The following AKT3 variants were observed in gnomAD, a reference collection of about 807,000 sequenced individuals.
AKT3 encodes AKT serine/threonine kinase 3.
AKT3 carries 15 observed loss-of-function variants against 65.3 expected under a neutral mutation model. The ratio of observed to expected loss-of-function variants is 0.23; its 90% confidence interval spans 0.15 to 0.35. The LOEUF (loss-of-function observed/expected upper bound fraction) is 0.35, where lower values mean the gene tolerates loss of function less well. Ranked by LOEUF, AKT3 falls within the 10% of genes least tolerant of loss-of-function variation. The pLI is 1.00. For missense variants in AKT3, 243 were observed against 576.5 expected (o/e 0.42, Z 5.92); for synonymous variants, 206 against 183.8 (o/e 1.12, Z -0.98).
At chr1:243,629,286 T>C (rs1451523257) in intron 6 of AKT3, among the ~76,000 whole-genome samples, 2 of 151,582 alleles carry the variant, frequency 1.3e-5, no homozygotes, top group African/African-American at 2.4e-5. Context: ...CAAAAATAAA[T>C]AAGTAAACAA....
intron 2 of AKT3, among the ~76,000 whole-genome samples, chr1:243,759,071 T>C (rs1180071013): frequency 6.6e-6 from 1 of 152,192 alleles, no homozygotes; most frequent in Non-Finnish European, 1.5e-5. Context: ...CCCAGCACTT[T>C]GGGAGGCCAA....
chr1:243,726,951 T>C (rs1403171143), intron 2 of AKT3, among the ~76,000 whole-genome samples: 1 of 152,198 alleles, frequency 6.6e-6, no homozygotes, highest in East Asian at 1.9e-4. Context: ...GCAGTGGCAA[T>C]AGGTGGCCTA....
At chr1:243,840,491 T>C (rs1268813604) in intron 2 of AKT3, among the ~76,000 whole-genome samples, 3 of 152,212 alleles carry the variant, frequency 2.0e-5, no homozygotes, top group Admixed American at 1.3e-4. Flanking sequence ...TCTGCACATG[T>C]ATCCCAGAAC....
intron 5 of AKT3, among the ~76,000 whole-genome samples, chr1:243,644,917 CAACA>C (rs898421815): frequency 4.6e-5 from 7 of 152,074 alleles, no homozygotes; most frequent in African/African-American, 7.2e-5. Context: ...GGATTCAGTT[CAACA>C]AACAAACAGA....
At chr1:243,495,504 C>T (rs976406935), downstream of AKT3, among the ~76,000 whole-genome samples, 3 of 152,194 alleles carry the variant, frequency 2.0e-5, no homozygotes, top group Non-Finnish European at 4.4e-5. Flanking sequence ...TGGCCGCTGC[C>T]CTGCGATGGC....
intron 4 of AKT3, among the ~76,000 whole-genome samples, chr1:243,658,474 T>TGTCAG (rs1329900153): frequency 1.3e-5 from 2 of 152,126 alleles, no homozygotes; most frequent in East Asian, 3.9e-4. Flanking sequence ...AATAAGTAAG[T>TGTCAG]GTCAGCAAGG....
At chr1:243,756,779 T>C (rs1689166761) in intron 2 of AKT3, among the ~76,000 whole-genome samples, 1 of 152,094 alleles carries the variant, frequency 6.6e-6, no homozygotes, top group Non-Finnish European at 1.5e-5. Flanking sequence ...TAGAAAATAA[T>C]AACAAAGGAC....
intron 10 of AKT3, among the ~76,000 whole-genome samples, chr1:243,558,359 G>A (rs996322977): frequency 1.3e-5 from 2 of 151,824 alleles, no homozygotes; most frequent in African/African-American, 4.8e-5. Context: ...CAAAATAGTT[G>A]TCAAAATATT....
At position 243,559,193 on chromosome 1, in the gene AKT3, G is replaced by A. The variant is rs867404431; in HGVS notation, c.948+4527C>T. ...AATTTACTATAAGTTTATTTCCTTC[G>A]AATGTACAAAAGAGCAAAAGTACAT... On this transcript the variant is annotated intron_variant, in intron 10 of 13. Coordinates refer to ENST00000673466, the MANE Select transcript of AKT3 (RefSeq NM_005465.7). Among the ~76,000 whole-genome samples the A allele has an allele frequency of 2.6e-5, 4 of 151,956 alleles. No individual in the cohort carries two copies. In the East Asian group the frequency reaches 5.8e-4, roughly 22 times the overall value.
chr1:243,596,458 T>C (rs1003941199), intron 8 of AKT3, among the ~76,000 whole-genome samples: 1 of 152,174 alleles, frequency 6.6e-6, no homozygotes. Flanking sequence ...CAAAAGTATA[T>C]GCAATGGCAA....
At chr1:243,494,699 T>C (rs938419696) in intron 13 of AKT3, among the ~76,000 whole-genome samples, 2 of 152,264 alleles carry the variant, frequency 1.3e-5, no homozygotes, top group Non-Finnish European at 2.9e-5. Context: ...GAAAAGTCAA[T>C]TGAATTTTAT....
intron 12 of AKT3, among the ~76,000 whole-genome samples, chr1:243,542,281 T>A (rs1161687836): frequency 1.3e-5 from 2 of 152,240 alleles, no homozygotes; most frequent in African/African-American, 4.8e-5. Flanking sequence ...ATCTTTTGCA[T>A]GAGTAAATGA....
At chr1:243,848,436 T>C (rs936322028) in intron 1 of AKT3, among the ~76,000 whole-genome samples, 3 of 152,232 alleles carry the variant, frequency 2.0e-5, no homozygotes, top group Non-Finnish European at 4.4e-5. Flanking sequence ...CCCGGAATGT[T>C]TGTATTCGTT....
chr1:243,803,745 A>C (rs1174618693), intron 2 of AKT3, among the ~76,000 whole-genome samples: 1 of 151,912 alleles, frequency 6.6e-6, no homozygotes, highest in African/African-American at 2.4e-5. Context: ...CTCCCCGACA[A>C]CTCATAACCA....
chr1:243,495,197 G>A (rs1042745263), downstream of AKT3, among the ~76,000 whole-genome samples: 4 of 152,208 alleles, frequency 2.6e-5, no homozygotes, highest in East Asian at 7.7e-4. Flanking sequence ...CAGAGCCAGG[G>A]CCTCCACCCC....
At chr1:243,530,352 A>T (rs1671442154) in intron 12 of AKT3, among the ~76,000 whole-genome samples, 1 of 152,194 alleles carries the variant, frequency 6.6e-6, no homozygotes, top group South Asian at 2.1e-4. Flanking sequence ...TAAAAACAGA[A>T]ATCAATACTA....
intron 4 of AKT3, among the ~76,000 whole-genome samples, chr1:243,662,064 T>C (rs1436479622): frequency 2.7e-5 from 4 of 149,194 alleles, no homozygotes; most frequent in African/African-American, 9.9e-5. Context: ...CAACAGGTGC[T>C]GGAGAGGATG....
At chr1:243,508,653 GA>G (rs1203800471) in intron 13 of AKT3, among the ~76,000 whole-genome samples, 1 of 92,854 alleles carries the variant, frequency 1.1e-5, no homozygotes, top group African/African-American at 3.8e-5. Context: ...ACAAAAGCCA[GA>G]CTTTTTTTTT....
intron 2 of AKT3, among the ~76,000 whole-genome samples, chr1:243,785,075 T>C (rs1691167905): frequency 6.6e-6 from 1 of 150,654 alleles, no homozygotes; most frequent in African/African-American, 2.4e-5. Flanking sequence ...TTTTTTTTTT[T>C]TTTTTTTGAG....
Sources: allele counts gnomAD v4.1 joint callset (sites outside exome capture counted in the v4.1 genomes callset), GRCh38; gene constraint gnomAD v4.1.1; transcripts MANE v1.5; gene names NCBI Gene and HGNC (gene_info 2026-07-23, HGNC 2026-07-21).